Variants in SMYD3 observed in about 807,000 individuals in gnomAD.
SMYD3 encodes SET and MYND domain containing 3, also known as histone-lysine N-methyltransferase SMYD3.
Under a neutral mutation model 57.7 loss-of-function variants are expected in SMYD3, and 36 were observed. That is an observed-to-expected ratio of 0.62 (90% CI 0.48 to 0.82). The LOEUF (loss-of-function observed/expected upper bound fraction) is 0.82. SMYD3 is among the 40% of genes least tolerant of loss of function. The pLI, the probability that SMYD3 is intolerant of heterozygous loss-of-function variation, is 0.00. For synonymous variants in SMYD3, 211 were observed against 195.0 expected (o/e 1.08, Z -0.68); for missense variants, 515 against 538.8 (o/e 0.96, Z 0.44).
chr1:246,412,439 G>GT (rs2066991199), intron 1 of SMYD3, among the ~76,000 whole-genome samples: 1 of 151,788 alleles, frequency 6.6e-6, no homozygotes, highest in South Asian at 2.1e-4. Context: ...ATTTGTTTCT[G>GT]TAATTCAGCT....
At chr1:246,417,416 G>A (rs6673291) in intron 1 of SMYD3, 49,162 of 151,946 alleles carry the variant, frequency 0.32, 8,351 homozygotes, top group Non-Finnish European at 0.36. Context: ...CCACCTCCTC[G>A]AAAGCTTGGA....
At chr1:245,763,609 T>A (rs55686757) in intron 11 of SMYD3, among the ~76,000 whole-genome samples, 20,332 of 151,538 alleles carry the variant, frequency 0.13, 1,684 homozygotes, top group East Asian at 0.32. Context: ...CGGGGAGAAG[T>A]GGCTGCAAAG....
chr1:246,167,502 GTTTT>G (rs564629044), intron 5 of SMYD3, among the ~76,000 whole-genome samples: 3 of 146,994 alleles, frequency 2.0e-5, no homozygotes, highest in African/African-American at 7.5e-5. Flanking sequence ...CCTCATTACG[GTTTT>G]TTTTTCTTTT....
chr1:245,768,350 A>C (rs1400348551), intron 10 of SMYD3, among the ~76,000 whole-genome samples: 1 of 152,352 alleles, frequency 6.6e-6, no homozygotes, highest in South Asian at 2.1e-4. Flanking sequence ...TCTTACTGAT[A>C]TATTTTACAG....
At chr1:246,363,239 C>T (rs1270990240) in intron 1 of SMYD3, among the ~76,000 whole-genome samples, 6 of 150,494 alleles carry the variant, frequency 4.0e-5, no homozygotes, top group Non-Finnish European at 4.4e-5. Flanking sequence ...CCACCCCGTC[C>T]GGGAGGGAGG....
At chr1:246,232,352 G>A (rs997333959) in intron 5 of SMYD3, among the ~76,000 whole-genome samples, 4 of 152,330 alleles carry the variant, frequency 2.6e-5, no homozygotes, top group Middle Eastern at 3.4e-3. Context: ...TTTTCCAGTA[G>A]TGCTGGATGC....
At position 246,124,811 on chromosome 1, in the gene SMYD3, G is replaced by A. The variant is rs572496243; in HGVS notation, c.532-194874C>T. On this transcript the variant is annotated intron_variant, in intron 5 of 11. Transcript: ENST00000490107. ...ACAGGCCTCACCCCAGGCCACCCATGACACTGTAATAGAGTGATCTTTTCT... is the reference window on the plus strand; with the variant it reads ...ACAGGCCTCACCCCAGGCCACCCATAACACTGTAATAGAGTGATCTTTTCT... Among the ~76,000 whole-genome samples the A allele has an allele frequency of 8.5e-4, 129 of 150,980 alleles. 1 individual carries two copies. The highest frequency in any genetic ancestry group is 2.9e-3 in the African/African-American group (117 of 40,558).
intron 2 of SMYD3, among the ~76,000 whole-genome samples, chr1:246,353,495 C>A (rs916442209): frequency 5.9e-5 from 9 of 152,278 alleles, no homozygotes; most frequent in African/African-American, 2.2e-4. Flanking sequence ...CACCACTGCA[C>A]TCCAGTCCAA....
At position 245,830,086 on chromosome 1, in the gene SMYD3, A is replaced by C. The variant is rs187079257; in HGVS notation, c.1076+28410T>G. On this transcript the variant is annotated intron_variant, in intron 10 of 11. Transcript: ENST00000490107. ...TATGCTAAAAGCCACTGAGTAGTAC[A>C]CTTTAAATGAGTAATTATATGTTAT... is the stretch of plus-strand genomic sequence containing the variant. Among the ~76,000 whole-genome samples, 3 of 152,334 alleles carry C rather than the reference A, an allele frequency of 2.0e-5. No individual in the cohort carries two copies. The East Asian group carries it at 5.8e-4, about 29-fold the overall frequency.
At chr1:245,932,612 T>G (rs1415125580) in intron 5 of SMYD3, among the ~76,000 whole-genome samples, 1 of 152,164 alleles carries the variant, frequency 6.6e-6, no homozygotes, top group Non-Finnish European at 1.5e-5. Flanking sequence ...CAGGCTGGAG[T>G]GCAGTGGTGC....
chr1:246,140,616 T>C (rs1445692883), intron 5 of SMYD3, among the ~76,000 whole-genome samples: 1 of 152,076 alleles, frequency 6.6e-6, no homozygotes, highest in African/African-American at 2.4e-5. Context: ...TATTTATTTA[T>C]TTATTATTTT....
At chr1:246,495,808 CA>C (rs1323954692) in intron 1 of SMYD3, among the ~76,000 whole-genome samples, 2 of 151,382 alleles carry the variant, frequency 1.3e-5, no homozygotes, top group Non-Finnish European at 2.9e-5. Flanking sequence ...AAAAATTAGC[CA>C]GGGGTGGTGG....
intron 8 of SMYD3, among the ~76,000 whole-genome samples, chr1:245,866,908 G>T (rs879211825): frequency 3.3e-5 from 5 of 152,144 alleles, no homozygotes; most frequent in Admixed American, 3.3e-4. Context: ...ATTCCTGATT[G>T]AATGTTCCAG....
At chr1:246,428,954 A>G (rs1199653083) in intron 1 of SMYD3, among the ~76,000 whole-genome samples, 1 of 151,532 alleles carries the variant, frequency 6.6e-6, no homozygotes, top group East Asian at 1.9e-4. Context: ...ATAGATGCCA[A>G]TGGGTCCTGG....
At chr1:246,399,362 C>A (rs1287834941) in intron 1 of SMYD3, among the ~76,000 whole-genome samples, 1 of 150,062 alleles carries the variant, frequency 6.7e-6, no homozygotes, top group Admixed American at 6.7e-5. Context: ...TGAGGCACAA[C>A]CTCATTCTGT....
intron 5 of SMYD3, among the ~76,000 whole-genome samples, chr1:246,168,648 T>A (rs900424954): frequency 1.3e-5 from 2 of 152,182 alleles, no homozygotes; most frequent in Non-Finnish European, 2.9e-5. Context: ...TCTTTTTCTT[T>A]GTGAGAGGAA....
chr1:246,448,578 G>T (rs891332135), intron 1 of SMYD3, among the ~76,000 whole-genome samples: 3 of 151,850 alleles, frequency 2.0e-5, no homozygotes, highest in African/African-American at 7.3e-5. Context: ...ACCAGTCTAG[G>T]AAGTCAGACT....
chr1:246,462,137 A>G (rs1210285209), intron 1 of SMYD3, among the ~76,000 whole-genome samples: 1 of 152,182 alleles, frequency 6.6e-6, no homozygotes, highest in Non-Finnish European at 1.5e-5. Flanking sequence ...GGAGGTGTGG[A>G]AAGCCTAGCA....
chr1:245,795,498 C>T (rs994115813), intron 10 of SMYD3, among the ~76,000 whole-genome samples: 2 of 152,232 alleles, frequency 1.3e-5, no homozygotes, highest in African/African-American at 4.8e-5. Flanking sequence ...TAGCCAGTGG[C>T]TTCAGCTCCA....
Sources: allele counts gnomAD v4.1 joint callset (sites outside exome capture counted in the v4.1 genomes callset), GRCh38; gene constraint gnomAD v4.1.1; transcripts MANE v1.5; gene names NCBI Gene and HGNC (gene_info 2026-07-23, HGNC 2026-07-21).